Variants in ZNF616 observed in about 807,000 individuals in gnomAD.
ZNF616 encodes zinc finger protein 616.
Under a neutral mutation model 7.6 loss-of-function variants are expected in ZNF616, and 5 were observed. The ratio of observed to expected loss-of-function variants is 0.66; its 90% CI spans 0.34 to 1.38. ZNF616 has a LOEUF of 1.38. Ranked by LOEUF, ZNF616 falls within the 40% of genes most tolerant of loss-of-function variation. ZNF616 has a pLI of 0.04. For synonymous variants in ZNF616, 319 were observed against 317.2 expected (o/e 1.01, Z -0.06); for missense variants, 913 against 948.3 (o/e 0.96, Z 0.49).
chr19:52,124,199 TTTG>T, intron 2 of ZNF616, 150 bp from the exon 3 acceptor site: 1 of 979,676 alleles, frequency 1.0e-6, no homozygotes, highest in Non-Finnish European at 1.5e-6. Context: ...CTAATTTTAG[TTTG>T]TTATAAAATA....
At position 52,116,554 on chromosome 19, in the gene ZNF616, G is replaced by C. The variant is rs145127081; in HGVS notation, c.610C>G (p.Gln204Glu). Residue 204 changes from glutamine (Q) to glutamate (E), a missense_variant, in exon 4 of 4, where the codon CAG becomes GAG. Gln to Glu is a conservative substitution (Grantham distance 29). Coordinates refer to ENST00000600228, the MANE Select transcript of ZNF616 (RefSeq NM_178523.5). ...FKASSSLINH[Q>E]RIHTTEKPYK... ...GGTTTCTCTGTAGTATGTATCCTCT[G>C]ATGATTAATAAGGCTGGAAGACGCT... 4.2e-5 allele frequency: 67 copies of C among 1,614,066 alleles called. No homozygotes were observed. The African/African-American group carries it at 8.3e-4, about 20-fold the overall frequency.
chr19:52,119,557 G>T (rs1372727788), intron 3 of ZNF616, among the ~76,000 whole-genome samples: 1 of 152,012 alleles, frequency 6.6e-6, no homozygotes, highest in Non-Finnish European at 1.5e-5. Context: ...GAAAGGCCAG[G>T]GAAGAGAAAA....
At chr19:52,123,389 C>T (rs966020688) in intron 3 of ZNF616, among the ~76,000 whole-genome samples, 3 of 151,930 alleles carry the variant, frequency 2.0e-5, no homozygotes, top group Admixed American at 2.0e-4. Flanking sequence ...CTGGCTCAAG[C>T]CTATAATATC....
rs2088799270 is a variant in ZNF616 at position 52,114,716 on chromosome 19, C to A, written c.*102G>T. On this transcript the variant is annotated 3_prime_UTR_variant, in exon 4 of 4. Transcript: ENST00000600228. ...CTCCCAATGGGCCCCACCTCCAATA[C>A]TGGAGATTACAATTCCACAGGGATT... 4 of 1,369,686 alleles carry A rather than the reference C, an allele frequency of 2.9e-6. No homozygotes were observed. Among genetic ancestry groups the A allele is most frequent in the Middle Eastern group, 2.7e-4 (1 of 3,760 alleles). The allele number at this position is 1,369,686 out of a possible 1,614,324, so 84.8% of individuals were successfully genotyped here. A position where few individuals can be genotyped will look rare whatever the true frequency, so the allele number is the denominator to read the frequency against.
At chr19:52,118,398 G>C (rs753583576) in intron 3 of ZNF616, among the ~76,000 whole-genome samples, 2 of 152,148 alleles carry the variant, frequency 1.3e-5, no homozygotes, top group Non-Finnish European at 2.9e-5. Context: ...TACAATGAAG[G>C]CTGCTTTGAT....
intron 3 of ZNF616, among the ~76,000 whole-genome samples, chr19:52,118,162 C>T (rs964844436): frequency 3.3e-5 from 5 of 152,120 alleles, no homozygotes; most frequent in African/African-American, 1.2e-4. Context: ...TCAGGCTGAT[C>T]TCGAACTCCT....
intron 2 of ZNF616, among the ~76,000 whole-genome samples, chr19:52,125,463 A>G (rs1490940807): frequency 6.6e-6 from 1 of 152,234 alleles, no homozygotes; most frequent in Admixed American, 6.5e-5. Flanking sequence ...GGGCACACAT[A>G]TTAAATCTTA....
In ZNF616 at chr19:52,115,805, T is replaced by A. The variant is rs776061136; in HGVS notation, c.1359A>T (p.Ala453=). 9 of 1,608,740 alleles carry A rather than the reference T, an allele frequency of 5.6e-6. No homozygotes were observed. The African/African-American group carries it at 6.7e-5, about 12-fold the overall frequency. Residue 453 remains alanine (A), a synonymous_variant, in exon 4 of 4, where the codon GCA becomes GCT. Coordinates refer to ENST00000600228, the MANE Select transcript of ZNF616 (RefSeq NM_178523.5). Reference sequence around the variant, plus strand: ...CGCCGGTATGAATTCTCCAATGCACTGCAAGATGTGAATGCTTACTGTACA... The same window carrying A: ...CGCCGGTATGAATTCTCCAATGCACAGCAAGATGTGAATGCTTACTGTACA... ...GKVYSKHSHL[A]VHWRIHTGEK... is the part of the protein sequence containing the mutation.
rs1164334709 is a variant in ZNF616 at position 52,116,490 on chromosome 19, G to T, written c.674C>A (p.Ala225Asp). Residue 225 changes from alanine (A) to aspartate (D), a missense_variant, in exon 4 of 4, where the codon GCC (alanine) becomes GAC (aspartate). Transcript: ENST00000600228. The stretch of plus-strand genomic sequence containing the variant: ...TACCTTGTGTACAGTTAGTAGTGAG[G>T]CCCGATGAAAGGCTTTGCCACACTC... ...CNECGKAFHR[A>D]SLLTVHKVVH... 3 of 1,613,818 alleles carry T rather than the reference G, an allele frequency of 1.9e-6. No homozygotes were observed. The highest frequency in any genetic ancestry group is 2.2e-5 in the East Asian group (1 of 44,858).
At chr19:52,125,411 A>G (rs2088897392) in intron 2 of ZNF616, among the ~76,000 whole-genome samples, 1 of 152,256 alleles carries the variant, frequency 6.6e-6, no homozygotes, top group African/African-American at 2.4e-5. Context: ...GAAACAGGAA[A>G]GAAGAGGTAG....
chr19:52,118,486 T>C (rs1401531767), intron 3 of ZNF616, among the ~76,000 whole-genome samples: 1 of 152,190 alleles, frequency 6.6e-6, no homozygotes, highest in Non-Finnish European at 1.5e-5. Flanking sequence ...GGTGTGGTCT[T>C]TGGGAGGCAA....
chr19:52,130,556 T>G lies in ZNF616; in HGVS notation c.-44A>C. The G allele has an allele frequency of 6.3e-7, 1 of 1,593,990 alleles. No homozygotes were observed. The highest frequency in any genetic ancestry group is 8.5e-7 in the Non-Finnish European group (1 of 1,172,376). On this transcript the variant is annotated 5_prime_UTR_variant, in exon 2 of 4. Coordinates refer to ENST00000600228, the MANE Select transcript of ZNF616 (RefSeq NM_178523.5). ...CCTCTTCTTCCTCTTCTGGGTTTCT[T>G]TCTCAGTCAATGTAATTATTCACAC... is the stretch of plus-strand genomic sequence containing the variant.
intron 1 of ZNF616, among the ~76,000 whole-genome samples, chr19:52,133,877 C>A (rs1385030315): frequency 6.6e-6 from 1 of 152,148 alleles, no homozygotes; most frequent in Non-Finnish European, 1.5e-5. Context: ...CCTCCTCCCA[C>A]CCTCCACCCT....
chr19:52,126,914 A>G (rs2088913687), intron 2 of ZNF616, among the ~76,000 whole-genome samples: 1 of 152,248 alleles, frequency 6.6e-6, no homozygotes, highest in African/African-American at 2.4e-5. Flanking sequence ...TGAACTTTAC[A>G]TAAGCAAACA....
chr19:52,114,931 A>G lies in ZNF616; in HGVS notation c.2233T>C (p.Tyr745His), dbSNP rs200526860. 1.4e-4 allele frequency: 218 copies of G among 1,614,042 alleles called. No homozygotes were observed. Among genetic ancestry groups the G allele is most frequent in the Non-Finnish European group, 1.8e-4 (214 of 1,180,032 alleles). The change falls in exon 4 of 4, where the codon TAT becomes CAT. Residue 745 changes from tyrosine (Y) to histidine (H), a missense_variant. Physicochemically the swap from Tyr to His is moderately conservative, Grantham distance 83 (BLOSUM62 2). Coordinates refer to ENST00000600228, the MANE Select transcript of ZNF616 (RefSeq NM_178523.5). ...HQRIHSGKKPYKCNECGKSFI... is the reference protein window; with the variant it reads ...HQRIHSGKKPHKCNECGKSFI... ...GATTTCCCACACTCATTACATTTAT[A>G]AGGTTTTTTGCCAGAATGAATTCTT...
intron 2 of ZNF616, among the ~76,000 whole-genome samples, chr19:52,127,111 G>A (rs1253905703): frequency 6.6e-6 from 1 of 151,860 alleles, no homozygotes; most frequent in South Asian, 2.1e-4. Context: ...CAGGAGTGCA[G>A]TGGCACGATC....
chr19:52,133,564 G>A (rs1287256679), intron 1 of ZNF616, among the ~76,000 whole-genome samples: 1 of 152,052 alleles, frequency 6.6e-6, no homozygotes, highest in Non-Finnish European at 1.5e-5. Flanking sequence ...TGTCGCCTAG[G>A]CTGGAGTGCA....
intron 1 of ZNF616, 142 bp from the exon 2 acceptor site, chr19:52,130,730 C>A (rs2088951264): frequency 3.2e-6 from 2 of 629,574 alleles, no homozygotes; most frequent in Non-Finnish European, 5.5e-6. Context: ...TAAATTCCTA[C>A]ACAAAGACCA....
Position 52,124,006 on chromosome 19 carries a change from T to G in ZNF616, c.56A>C (p.Glu19Ala). The G allele has an allele frequency of 6.2e-7, 1 of 1,612,998 alleles. No individual in the cohort carries two copies. The highest frequency in any genetic ancestry group is 8.5e-7 in the Non-Finnish European group (1 of 1,179,738). Reference protein sequence around the residue: ...FKDVAIEFSQEEWKCLEPVQK... With the variant: ...FKDVAIEFSQAEWKCLEPVQK... ...CACAGGCTCCAGGCATTTCCACTCC[T>G]CCTGAGAGAATTCTATGGCTACATC... Residue 19 changes from glutamate (E) to alanine (A), a missense_variant, in exon 3 of 4, where the codon GAG (glutamate) becomes GCG (alanine). Transcript: ENST00000600228.
Sources: gnomAD v4.1 joint callset for allele counts (sites outside exome capture counted in the v4.1 genomes callset) on GRCh38, gnomAD v4.1.1 for gene constraint, MANE v1.5 for transcripts, NCBI Gene and HGNC (gene_info 2026-07-23, HGNC 2026-07-21) for gene names.